Variants in KRT86 observed in about 807,000 individuals in gnomAD.
KRT86 encodes the protein keratin, type II cuticular Hb6.
KRT86 carries 30 observed loss-of-function variants against 41.2 expected under a neutral mutation model. The observed-to-expected ratio is 0.73, with a 90% CI of 0.54 to 0.99. The LOEUF (loss-of-function observed/expected upper bound fraction) is 0.99, where lower values mean the gene tolerates loss of function less well. Ranked by LOEUF, KRT86 falls within the 50% of genes least tolerant of loss-of-function variation. KRT86 has a pLI of 0.00. For missense variants in KRT86, 561 were observed against 571.4 expected (o/e 0.98, Z 0.19); for synonymous variants, 238 against 238.1 (o/e 1.00, Z 0.00).
At chr12:52,287,938 C>T (rs1432971631) in intron 2 of KRT86, 2 of 1,614,048 alleles carry the variant, frequency 1.2e-6, no homozygotes, top group Non-Finnish European at 8.5e-7. Flanking sequence ...TATCTCACAT[C>T]CCTCCCACTG....
intron 2 of KRT86, chr12:52,287,889 G>C (rs1020742966): frequency 5.6e-6 from 9 of 1,608,298 alleles, no homozygotes; most frequent in South Asian, 2.2e-5. Flanking sequence ...CTCATCCCTA[G>C]GGACCAGCAT....
intron 2 of KRT86, among the ~76,000 whole-genome samples, chr12:52,281,944 C>A (rs1177196925): frequency 6.6e-6 from 1 of 152,052 alleles, no homozygotes; most frequent in African/African-American, 2.4e-5. Context: ...TCTCACCATA[C>A]TGCCCAGGCT....
chr12:52,300,069 A>G (rs147466710), intron 2 of KRT86, among the ~76,000 whole-genome samples: 9 of 152,328 alleles, frequency 5.9e-5, no homozygotes, highest in African/African-American at 1.9e-4. Flanking sequence ...GTAGTTTCAT[A>G]GTCTGAGGTC....
intron 2 of KRT86, chr12:52,287,005 TC>T: frequency 6.2e-7 from 1 of 1,602,740 alleles, no homozygotes; most frequent in South Asian, 1.1e-5. Context: ...AATATTTTTT[TC>T]CCCCAGAGCC....
intron 2 of KRT86, among the ~76,000 whole-genome samples, chr12:52,300,256 C>T (rs1938342154): frequency 6.6e-6 from 1 of 152,188 alleles, no homozygotes; most frequent in South Asian, 2.1e-4. Flanking sequence ...AAGTTATTCC[C>T]ATGACATAAG....
In KRT86 at chr12:52,275,955, T is replaced by C. The variant is rs1592412638; in HGVS notation, c.-5+9T>C. 1 of 985,742 alleles carries C rather than the reference T, an allele frequency of 1.0e-6. No homozygotes were observed. Among genetic ancestry groups the C allele is most frequent in the African/African-American group, 1.7e-5 (1 of 57,272 alleles). The allele number at this position is 985,742 out of a possible 1,614,324, so 61.1% of individuals were successfully genotyped here. A position where few individuals can be genotyped will look rare whatever the true frequency, so the allele number is the denominator to read the frequency against. On this transcript the variant is annotated intron_variant, in intron 2 of 10. Coordinates refer to ENST00000423955, the MANE Select transcript of KRT86 (RefSeq NM_001320198.2). ...GCAGTGCTGAGAGTCAGGTGAGAGG[T>C]GGGAGTGGGGGGCAACAGAGTGGCC...
intron 2 of KRT86, among the ~76,000 whole-genome samples, chr12:52,298,251 G>C (rs1049771636): frequency 3.3e-5 from 5 of 152,178 alleles, no homozygotes; most frequent in African/African-American, 1.2e-4. Flanking sequence ...TCTTTTCGAG[G>C]ACAAATGGAG....
At chr12:52,276,812 T>G (rs183958706) in intron 2 of KRT86, among the ~76,000 whole-genome samples, 2 of 152,100 alleles carry the variant, frequency 1.3e-5, no homozygotes, top group Non-Finnish European at 2.9e-5. Flanking sequence ...CTCCCAGCCC[T>G]CTCACACCCC....
intron 2 of KRT86, among the ~76,000 whole-genome samples, chr12:52,298,587 A>G (rs151012662): frequency 6.6e-6 from 1 of 152,280 alleles, no homozygotes; most frequent in African/African-American, 2.4e-5. Context: ...ATTTACATGG[A>G]TTAACTCTTT....
Position 52,308,675 on chromosome 12 carries a change from C to T in KRT86, c.*90C>T. 7.7e-7 allele frequency: 1 copy of T among 1,292,796 alleles called. No homozygotes were observed. The highest frequency in any genetic ancestry group is 1.1e-6 in the Non-Finnish European group (1 of 925,294). 80.1% of individuals were successfully genotyped at this position (1,292,796 alleles called of 1,614,324 possible). A position where few individuals can be genotyped will look rare whatever the true frequency, so the allele number is the denominator to read the frequency against. ...CAGAACGCGCCGCCCGCGCCGGCCT[C>T]CCAATAGCCGCCGCCCGCTGCCTGC... On this transcript the variant is annotated 3_prime_UTR_variant, in exon 11 of 11. Transcript: ENST00000423955.
At chr12:52,297,109 C>A (rs1938268860) in intron 2 of KRT86, among the ~76,000 whole-genome samples, 1 of 152,246 alleles carries the variant, frequency 6.6e-6, no homozygotes, top group Non-Finnish European at 1.5e-5. Flanking sequence ...TGCTTCCATG[C>A]ACATCTTCTC....
chr12:52,286,606 G>A, intron 2 of KRT86: 1 of 1,281,184 alleles, frequency 7.8e-7, no homozygotes. Flanking sequence ...AAGCATCTTT[G>A]TGGACAATTC....
At chr12:52,304,698 A>T (rs534300606) in intron 5 of KRT86, among the ~76,000 whole-genome samples, 1 of 151,772 alleles carries the variant, frequency 6.6e-6, no homozygotes, top group Admixed American at 6.5e-5. Flanking sequence ...GAGAGATAAG[A>T]GGGTAAGGAG....
At chr12:52,294,479 G>A (rs890574477) in intron 2 of KRT86, among the ~76,000 whole-genome samples, 1 of 151,878 alleles carries the variant, frequency 6.6e-6, no homozygotes, top group Admixed American at 6.6e-5. Context: ...TCATGGGGAA[G>A]GGAGGAGGGG....
At chr12:52,297,445 G>A (rs950205197) in intron 2 of KRT86, among the ~76,000 whole-genome samples, 1 of 152,110 alleles carries the variant, frequency 6.6e-6, no homozygotes, top group African/African-American at 2.4e-5. Context: ...CAAAATCCCC[G>A]AGTCCCCCAT....
intron 2 of KRT86, among the ~76,000 whole-genome samples, chr12:52,283,253 G>A (rs926209265): frequency 0.038 from 1 of 26 alleles, no homozygotes; most frequent in Non-Finnish European, 0.1. Context: ...AATTAGCCCG[G>A]TGTGGTGCAG....
At chr12:52,274,885 A>C (rs1592411946) in intron 1 of KRT86, 163 bp downstream of exon 1, 9 of 207,346 alleles carry the variant, frequency 4.3e-5, no homozygotes. Flanking sequence ...GTTCCCCCAC[A>C]CTCCATCTGC....
In KRT86 at chr12:52,305,805, C is replaced by T. The variant is rs200104110; in HGVS notation, c.1026+17C>T. On this transcript the variant is annotated intron_variant, in intron 8 of 10. Transcript: ENST00000423955. Reference sequence around the variant, plus strand: ...AAGTGCCAGGTATGGGGCATCTGTGCCCAAGGTCAGAGAGACCGAGGGTCT... The same window carrying T: ...AAGTGCCAGGTATGGGGCATCTGTGTCCAAGGTCAGAGAGACCGAGGGTCT... 78 of 1,613,824 alleles carry T rather than the reference C, an allele frequency of 4.8e-5. 1 individual carries two copies. The highest frequency in any genetic ancestry group is 1.2e-4 in the South Asian group (11 of 91,072).
intron 2 of KRT86, chr12:52,286,078 G>A: frequency 3.1e-6 from 2 of 648,402 alleles, no homozygotes; most frequent in Non-Finnish European, 5.4e-6. Context: ...TTCCCACTGT[G>A]GGGTGGCAGA....
Sources: allele counts gnomAD v4.1 joint callset (sites outside exome capture counted in the v4.1 genomes callset), GRCh38; gene constraint gnomAD v4.1.1; transcripts MANE v1.5; gene names NCBI Gene and HGNC (gene_info 2026-07-23, HGNC 2026-07-21).